Variants in SAXO1 observed in about 807,000 individuals in gnomAD.
The protein encoded by SAXO1 is 4930500O09Rik.
Under a neutral mutation model 17.5 loss-of-function variants are expected in SAXO1, and 21 were observed. The ratio of observed to expected loss-of-function variants is 1.20; its 90% confidence interval spans 0.85 to 1.72. The LOEUF (loss-of-function observed/expected upper bound fraction) is 1.72. SAXO1 is among the 40% of genes most tolerant of loss of function. The probability of loss-of-function intolerance (pLI) is 0.00; values close to 1 mark genes in which losing one functional copy is unlikely to be tolerated. For missense variants in SAXO1, 843 were observed against 596.0 expected (o/e 1.41, Z -4.32); for synonymous variants, 274 against 216.5 (o/e 1.27, Z -2.33).
intron 1 of SAXO1, among the ~76,000 whole-genome samples, chr9:18,997,415 T>C (rs1046130942): frequency 6.6e-6 from 1 of 152,256 alleles, no homozygotes; most frequent in Admixed American, 6.5e-5. Flanking sequence ...TTGCTGAGGC[T>C]TGAGTAGGTA....
chr9:18,994,079 A>G (rs970582448), intron 1 of SAXO1, among the ~76,000 whole-genome samples: 3 of 152,250 alleles, frequency 2.0e-5, no homozygotes, highest in Admixed American at 2.0e-4. Flanking sequence ...TTATCAAAAA[A>G]TATCAAGTCT....
chr9:19,047,357 C>G (rs1051353523), intron 1 of SAXO1, among the ~76,000 whole-genome samples: 1 of 152,022 alleles, frequency 6.6e-6, no homozygotes, highest in Non-Finnish European at 1.5e-5. Context: ...GAGTGAGACT[C>G]TGTCTCCAAA....
At chr9:18,974,038 G>T (rs571014082) in intron 1 of SAXO1, among the ~76,000 whole-genome samples, 1 of 152,308 alleles carries the variant, frequency 6.6e-6, no homozygotes, top group African/African-American at 2.4e-5. Context: ...AAAACTTGGG[G>T]CCCTTATGTC....
intron 1 of SAXO1, among the ~76,000 whole-genome samples, chr9:19,045,124 C>A (rs1836175999): frequency 6.7e-6 from 1 of 150,306 alleles, no homozygotes; most frequent in East Asian, 2.0e-4. Flanking sequence ...TCCTGGCTAA[C>A]AAGGTGAAAC....
intron 1 of SAXO1, among the ~76,000 whole-genome samples, chr9:19,002,535 C>T (rs1409544820): frequency 6.6e-6 from 1 of 152,178 alleles, no homozygotes; most frequent in Non-Finnish European, 1.5e-5. Context: ...ACATCAAATG[C>T]TTATCCACCA....
intron 1 of SAXO1, among the ~76,000 whole-genome samples, chr9:18,963,979 G>C (rs986807255): frequency 2.0e-5 from 3 of 151,602 alleles, no homozygotes; most frequent in African/African-American, 7.3e-5. Flanking sequence ...CTACTTTACT[G>C]AGAGTTTTTT....
intron 3 of SAXO1, among the ~76,000 whole-genome samples, chr9:18,941,083 G>A (rs927750913): frequency 6.6e-6 from 1 of 152,074 alleles, no homozygotes; most frequent in Non-Finnish European, 1.5e-5. Flanking sequence ...TTTTCCATAT[G>A]TATGTTACAT....
At chr9:18,977,411 C>A (rs2131810981) in intron 1 of SAXO1, among the ~76,000 whole-genome samples, 1 of 152,284 alleles carries the variant, frequency 6.6e-6, no homozygotes, top group South Asian at 2.1e-4. Flanking sequence ...ATCTTCATTA[C>A]AACCTCATCA....
chr9:18,985,548 G>T (rs762011404), intron 1 of SAXO1, among the ~76,000 whole-genome samples: 1 of 152,166 alleles, frequency 6.6e-6, no homozygotes, highest in Admixed American at 6.5e-5. Flanking sequence ...TCTAAACAGA[G>T]CAGCAATTGA....
chr9:19,009,579 AT>A (rs35904518), intron 1 of SAXO1, among the ~76,000 whole-genome samples: 15,634 of 152,100 alleles, frequency 0.1, 1,240 homozygotes, highest in African/African-American at 0.23. Flanking sequence ...ACAATTTGGT[AT>A]TTAAATCTGT....
chr9:19,036,590 C>A (rs1020381468), upstream of SAXO1, among the ~76,000 whole-genome samples: 1 of 152,188 alleles, frequency 6.6e-6, no homozygotes, highest in Non-Finnish European at 1.5e-5. Context: ...TCAGAGGATG[C>A]AAGCCCCAAG....
intron 1 of SAXO1, among the ~76,000 whole-genome samples, chr9:19,030,470 G>T (rs1446381592): frequency 1.3e-5 from 2 of 152,170 alleles, no homozygotes; most frequent in African/African-American, 4.8e-5. Flanking sequence ...ACTTTTGGAG[G>T]CCAAGGTAGG....
intron 1 of SAXO1, among the ~76,000 whole-genome samples, chr9:19,048,017 G>A (rs1186679654): frequency 6.6e-6 from 1 of 152,122 alleles, no homozygotes; most frequent in African/African-American, 2.4e-5. Flanking sequence ...ATACTATATT[G>A]TATTATGGAA....
chr9:19,030,983 G>C (rs1161463853), intron 1 of SAXO1, among the ~76,000 whole-genome samples: 2 of 152,220 alleles, frequency 1.3e-5, no homozygotes, highest in African/African-American at 4.8e-5. Context: ...GATGAGGAGA[G>C]AAGAAAAGGA....
chr9:19,006,733 G>T (rs541423265), intron 1 of SAXO1, among the ~76,000 whole-genome samples: 1 of 152,292 alleles, frequency 6.6e-6, no homozygotes, highest in Non-Finnish European at 1.5e-5. Context: ...TGATATCACA[G>T]AATTGTACAT....
At chr9:19,021,994 C>T (rs1262672228) in intron 1 of SAXO1, among the ~76,000 whole-genome samples, 1 of 152,244 alleles carries the variant, frequency 6.6e-6, no homozygotes, top group African/African-American at 2.4e-5. Flanking sequence ...GTCGGGTCCC[C>T]TTCCCCATTG....
At chr9:19,027,625 T>C in intron 1 of SAXO1, 1 of 1,436,130 alleles carries the variant, frequency 7.0e-7, no homozygotes, top group South Asian at 1.1e-5. Flanking sequence ...CTGGAGATGG[T>C]GCCAAGCTAG....
At position 19,024,336 on chromosome 9, in the gene SAXO1, G is replaced by C. The variant is rs895888478; in HGVS notation, c.38+8535C>G. ...TCCTCACACCAACCTTAAGAATATCGCAAGGACAAAAAACCAAACACCGCA... is the reference window on the plus strand; with the variant it reads ...TCCTCACACCAACCTTAAGAATATCCCAAGGACAAAAAACCAAACACCGCA... On this transcript the variant is annotated intron_variant, in intron 1 of 3. Coordinates refer to ENST00000380534, the MANE Select transcript of SAXO1 (RefSeq NM_153707.4). Among the ~76,000 whole-genome samples, 6 of 151,474 alleles carry C rather than the reference G, an allele frequency of 4.0e-5. No individual in the cohort carries two copies. In the South Asian group the frequency reaches 6.3e-4, roughly 16 times the overall value.
At chr9:18,959,097 G>A (rs1389489898) in intron 1 of SAXO1, among the ~76,000 whole-genome samples, 5 of 152,148 alleles carry the variant, frequency 3.3e-5, no homozygotes, top group Non-Finnish European at 5.9e-5. Context: ...TAGTAGAGCC[G>A]CTGGGGTGGG....
Sources: gnomAD v4.1 joint callset for allele counts (sites outside exome capture counted in the v4.1 genomes callset) on GRCh38, gnomAD v4.1.1 for gene constraint, MANE v1.5 for transcripts, NCBI Gene and HGNC (gene_info 2026-07-23, HGNC 2026-07-21) for gene names.